FBXL17: variants seen among roughly 807,000 people sequenced by gnomAD.
FBXL17 encodes the protein F-box/LRR-repeat protein 17.
A neutral mutation model predicts 66.2 loss-of-function variants in FBXL17; 22 were observed. The observed-to-expected ratio is 0.33, with a 90% CI of 0.24 to 0.47. FBXL17 has a LOEUF of 0.47. FBXL17 is among the 20% of genes least tolerant of loss of function. The pLI is 1.00. For synonymous variants in FBXL17, 474 were observed against 400.5 expected, an observed-to-expected ratio of 1.18 and a Z score of -2.19; for missense variants, 878 against 948.2, an observed-to-expected ratio of 0.93 and a Z score of 0.97.
At chr5:108,344,974 GGTA>G (rs1747172091) in intron 4 of FBXL17, among the ~76,000 whole-genome samples, 1 of 152,082 alleles carries the variant, frequency 6.6e-6, no homozygotes, top group Non-Finnish European at 1.5e-5. Context: ...TACCTATGTA[GGTA>G]CATGACACCT....
chr5:108,274,787 C>T (rs575046490), intron 4 of FBXL17, among the ~76,000 whole-genome samples: 1 of 152,330 alleles, frequency 6.6e-6, no homozygotes, highest in East Asian at 1.9e-4. Context: ...TCTGCCATGG[C>T]TTCAGCTGGT....
chr5:107,916,271 A>C (rs1294290704), intron 7 of FBXL17, among the ~76,000 whole-genome samples: 1 of 152,218 alleles, frequency 6.6e-6, no homozygotes, highest in Non-Finnish European at 1.5e-5. Flanking sequence ...GGTTAAGGTC[A>C]TGCTTTTAAA....
At chr5:108,246,617 C>G (rs1268272222) in intron 4 of FBXL17, among the ~76,000 whole-genome samples, 1 of 152,216 alleles carries the variant, frequency 6.6e-6, no homozygotes, top group East Asian at 1.9e-4. Context: ...ACCCAACAGT[C>G]ACATACTTAA....
chr5:108,042,710 T>C (rs1232620863), intron 6 of FBXL17, among the ~76,000 whole-genome samples: 6 of 152,246 alleles, frequency 3.9e-5, no homozygotes, highest in Admixed American at 3.9e-4. Context: ...ATAAAGCTTC[T>C]ATAAATATTT....
At chr5:108,256,094 T>G (rs552910635) in intron 4 of FBXL17, among the ~76,000 whole-genome samples, 2 of 152,166 alleles carry the variant, frequency 1.3e-5, no homozygotes, top group Non-Finnish European at 2.9e-5. Flanking sequence ...AAAAGCCTGC[T>G]CTCCTGGCAG....
chr5:108,222,736 C>A (rs1231259514), intron 5 of FBXL17, among the ~76,000 whole-genome samples: 1 of 144,156 alleles, frequency 6.9e-6, no homozygotes, highest in Non-Finnish European at 1.5e-5. Context: ...TGCAGTGGCG[C>A]AATCTCGGCT....
chr5:108,186,270 A>C (rs201240161), intron 5 of FBXL17, 23 bp from the exon 6 acceptor site: 253 of 1,602,338 alleles, frequency 1.6e-4, no homozygotes, highest in Non-Finnish European at 1.2e-4. Context: ...ATAAAATGAA[A>C]GATGAAAAAG....
intron 3 of FBXL17, among the ~76,000 whole-genome samples, chr5:108,363,530 T>C (rs1037819389): frequency 2.0e-5 from 3 of 152,110 alleles, no homozygotes; most frequent in Admixed American, 2.0e-4. Flanking sequence ...GAAGGAAACA[T>C]CTAAGTAACA....
intron 7 of FBXL17, among the ~76,000 whole-genome samples, chr5:107,914,300 T>C (rs1750054175): frequency 6.6e-6 from 1 of 152,116 alleles, no homozygotes; most frequent in Admixed American, 6.6e-5. Context: ...TTCCAAAAGA[T>C]AAGGTTGCAA....
intron 6 of FBXL17, among the ~76,000 whole-genome samples, chr5:108,036,187 A>G (rs1322307232): frequency 6.6e-6 from 1 of 152,128 alleles, no homozygotes; most frequent in Non-Finnish European, 1.5e-5. Flanking sequence ...ATTATTTTCA[A>G]TGTAGCTAGA....
chr5:108,017,516 T>G (rs967301729), intron 7 of FBXL17, among the ~76,000 whole-genome samples: 3 of 152,166 alleles, frequency 2.0e-5, no homozygotes, highest in Non-Finnish European at 4.4e-5. Context: ...ACTCCACAAG[T>G]GTTTTATATT....
At chr5:108,144,323 G>A (rs1751475696) in intron 6 of FBXL17, among the ~76,000 whole-genome samples, 1 of 152,048 alleles carries the variant, frequency 6.6e-6, no homozygotes, top group Admixed American at 6.5e-5. Flanking sequence ...ATGATAAACG[G>A]TAAATTATTT....
chr5:108,366,799 A>G (rs938292759), intron 2 of FBXL17, among the ~76,000 whole-genome samples: 1 of 152,146 alleles, frequency 6.6e-6, no homozygotes, highest in Non-Finnish European at 1.5e-5. Flanking sequence ...TTACCAATGA[A>G]GGAGAAAAAC....
At chr5:107,910,392 G>C (rs549954667) in intron 7 of FBXL17, among the ~76,000 whole-genome samples, 32 of 152,148 alleles carry the variant, frequency 2.1e-4, no homozygotes, top group African/African-American at 7.2e-4. Flanking sequence ...ACGACAAAAT[G>C]AGAAACAGCA....
intron 4 of FBXL17, among the ~76,000 whole-genome samples, chr5:108,287,613 C>G (rs977732682): frequency 5.9e-5 from 9 of 151,714 alleles, no homozygotes; most frequent in Non-Finnish European, 8.8e-5. Flanking sequence ...AAAAAATAAA[C>G]AACAGGTGTT....
intron 1 of FBXL17, among the ~76,000 whole-genome samples, chr5:108,375,188 T>C (rs1265517918): frequency 6.6e-6 from 1 of 152,098 alleles, no homozygotes; most frequent in African/African-American, 2.4e-5. Context: ...ACCCTGTCTC[T>C]ACAAAAATTA....
rs148975144 is a variant in FBXL17, at chr5:107,861,424, T to G, written c.*296A>C. 9.3e-4 allele frequency: 176 copies of G among 190,038 alleles called. 1 individual carries two copies. The East Asian group carries it at 0.015, about 17-fold the overall frequency. The allele number at this position is 190,038 out of a possible 1,614,324, so 11.8% of individuals were successfully genotyped here. On this transcript the variant is annotated 3_prime_UTR_variant, in exon 9 of 9. Transcript: ENST00000542267. ...GAAGCTCAAAATAATACATCCAATT[T>G]TTTGACTCTATATTAAAAATAATTT...
At chr5:107,872,582 A>G (rs1020013406) in intron 8 of FBXL17, among the ~76,000 whole-genome samples, 2 of 152,220 alleles carry the variant, frequency 1.3e-5, no homozygotes, top group African/African-American at 2.4e-5. Context: ...CATGCAATAC[A>G]TATTTGTCTA....
intron 6 of FBXL17, among the ~76,000 whole-genome samples, chr5:108,172,545 A>T (rs1466626802): frequency 6.6e-6 from 1 of 152,184 alleles, no homozygotes; most frequent in African/African-American, 2.4e-5. Context: ...ACTACAAATA[A>T]TCACAGAAGT....
Sources: gnomAD v4.1 joint callset for allele counts (sites outside exome capture counted in the v4.1 genomes callset) on GRCh38, gnomAD v4.1.1 for gene constraint, MANE v1.5 for transcripts, NCBI Gene and HGNC (gene_info 2026-07-23, HGNC 2026-07-21) for gene names.